Variants in NDUFAF6 observed in about 807,000 individuals in gnomAD.
The protein encoded by NDUFAF6 is NADH:ubiquinone oxidoreductase complex assembly factor 6.
NDUFAF6 carries 45 observed loss-of-function variants against 40.8 expected under a neutral mutation model. The observed-to-expected ratio is 1.10, with a 90% CI of 0.87 to 1.42. NDUFAF6 has a LOEUF of 1.42. NDUFAF6 is among the 40% of genes most tolerant of loss of function. NDUFAF6 has a pLI of 0.00. For missense variants in NDUFAF6, 435 were observed against 418.5 expected (o/e 1.04, Z -0.34); for synonymous variants, 185 against 155.9 (o/e 1.19, Z -1.39).
chr8:94,997,889 A>C (rs546258619), intron 2 of NDUFAF6, among the ~76,000 whole-genome samples: 1 of 152,338 alleles, frequency 6.6e-6, no homozygotes, highest in Non-Finnish European at 1.5e-5. Flanking sequence ...CTTCTTTGAC[A>C]ACTACTGAGT....
At chr8:94,950,619 C>T (rs1822515886) in intron 2 of NDUFAF6, among the ~76,000 whole-genome samples, 1 of 152,132 alleles carries the variant, frequency 6.6e-6, no homozygotes, top group African/African-American at 2.4e-5. Flanking sequence ...GTCATTGGAC[C>T]TTATCTTGGG....
chr8:94,933,333 AAAC>A (rs1298691320), intron 1 of NDUFAF6, among the ~76,000 whole-genome samples: 1 of 152,256 alleles, frequency 6.6e-6, no homozygotes, highest in Non-Finnish European at 1.5e-5. Flanking sequence ...CAAGATATAA[AAAC>A]AACATTCTCA....
chr8:94,965,238 G>A (rs1215516592), intron 1 of NDUFAF6, among the ~76,000 whole-genome samples: 1 of 125,322 alleles, frequency 8.0e-6, no homozygotes, highest in Non-Finnish European at 1.8e-5. Context: ...CATATCGAAG[G>A]TGATGATATA....
chr8:95,044,486 C>G (rs1245176281), intron 4 of NDUFAF6: 1 of 125,576 alleles, frequency 8.0e-6, no homozygotes, highest in Non-Finnish European at 1.6e-5. Flanking sequence ...GAGTCTCACT[C>G]TTGTCGCCCA....
At chr8:94,954,136 C>T (rs1475842576), upstream of NDUFAF6, among the ~76,000 whole-genome samples, 2 of 130,494 alleles carry the variant, frequency 1.5e-5, no homozygotes, top group Admixed American at 1.7e-4. Flanking sequence ...GATCTCCACT[C>T]ATTACAACCT....
chr8:94,965,671 C>G (rs1432417792), intron 1 of NDUFAF6, among the ~76,000 whole-genome samples: 1 of 152,212 alleles, frequency 6.6e-6, no homozygotes, highest in Admixed American at 6.5e-5. Context: ...AGTCAATTGG[C>G]CATGACGGAA....
chr8:94,979,884 C>T (rs1040364406), intron 1 of NDUFAF6, among the ~76,000 whole-genome samples: 3 of 152,098 alleles, frequency 2.0e-5, no homozygotes, highest in African/African-American at 7.2e-5. Flanking sequence ...CACTTGAGGC[C>T]AGTAGTTCAA....
At chr8:95,079,954 T>C (rs9720187), downstream of NDUFAF6, among the ~76,000 whole-genome samples, 51,442 of 105,786 alleles carry the variant, frequency 0.49, 12,584 homozygotes, top group East Asian at 0.68. Flanking sequence ...ATTTTTGTAG[T>C]GTATTTTTTG....
At chr8:94,992,182 A>G (rs1279325694) in intron 2 of NDUFAF6, among the ~76,000 whole-genome samples, 6 of 152,144 alleles carry the variant, frequency 3.9e-5, no homozygotes, top group South Asian at 2.1e-4. Flanking sequence ...GAGAATTTCA[A>G]CTGTCCTTAA....
intron 1 of NDUFAF6, among the ~76,000 whole-genome samples, chr8:95,029,933 C>T (rs1281588341): frequency 1.3e-5 from 2 of 151,928 alleles, no homozygotes; most frequent in African/African-American, 4.8e-5. Context: ...TAATTATAAG[C>T]AAGAAGTGCA....
intron 1 of NDUFAF6, among the ~76,000 whole-genome samples, 170 bp from the exon 2 acceptor site, chr8:95,031,825 T>C (rs1186251051): frequency 6.6e-6 from 1 of 152,234 alleles, no homozygotes; most frequent in Non-Finnish European, 1.5e-5. Flanking sequence ...GGTCTCGAAC[T>C]CCTGGCTTCA....
chr8:94,906,341 C>G (rs1818391048), intron 1 of NDUFAF6, among the ~76,000 whole-genome samples: 1 of 152,200 alleles, frequency 6.6e-6, no homozygotes, highest in Non-Finnish European at 1.5e-5. Flanking sequence ...CATAACTGCA[C>G]TGTCACTTCA....
At chr8:95,086,162 G>A (rs1315868129) in intron 2 of NDUFAF6, among the ~76,000 whole-genome samples, 4 of 152,134 alleles carry the variant, frequency 2.6e-5, no homozygotes, top group Admixed American at 6.5e-5. Flanking sequence ...CAAAACAGGG[G>A]ACTGAAGGAG....
intron 3 of NDUFAF6, among the ~76,000 whole-genome samples, chr8:95,036,017 G>T (rs947007477): frequency 8.5e-5 from 13 of 152,200 alleles, no homozygotes; most frequent in African/African-American, 3.1e-4. Flanking sequence ...TGTGATGGGA[G>T]ACTTGCTCTC....
upstream of NDUFAF6, among the ~76,000 whole-genome samples, chr8:95,097,019 C>G (rs143124148): frequency 1.1e-3 from 168 of 152,292 alleles, no homozygotes; most frequent in African/African-American, 3.7e-3. Context: ...GGGATCCTAC[C>G]CAATGAGGCC....
chr8:95,043,044 A>T (rs570435725), intron 4 of NDUFAF6, among the ~76,000 whole-genome samples: 2 of 151,988 alleles, frequency 1.3e-5, no homozygotes, highest in Non-Finnish European at 2.9e-5. Flanking sequence ...AGGGGAAAGC[A>T]TAGGTGTAAA....
chr8:95,113,936 C>A (rs1810067966), intron 4 of NDUFAF6, among the ~76,000 whole-genome samples: 1 of 143,270 alleles, frequency 7.0e-6, no homozygotes, highest in African/African-American at 2.6e-5. Flanking sequence ...TATTCTCACT[C>A]ACAGGTGGGA....
intron 9 of NDUFAF6, among the ~76,000 whole-genome samples, chr8:95,065,063 A>G (rs1832669608): frequency 1.3e-5 from 2 of 152,284 alleles, no homozygotes; most frequent in African/African-American, 2.4e-5. Flanking sequence ...CCCTTCCCCC[A>G]TATGTCACCA....
At chr8:95,025,914 C>T (rs1828060596) in intron 1 of NDUFAF6, among the ~76,000 whole-genome samples, 1 of 152,174 alleles carries the variant, frequency 6.6e-6, no homozygotes, top group Non-Finnish European at 1.5e-5. Context: ...GTTCATGCGG[C>T]AGGGACCCCT....
Sources: gnomAD v4.1 joint callset for allele counts (sites outside exome capture counted in the v4.1 genomes callset) on GRCh38, gnomAD v4.1.1 for gene constraint, MANE v1.5 for transcripts, NCBI Gene and HGNC (gene_info 2026-07-23, HGNC 2026-07-21) for gene names.